The following NALCN variants were observed in gnomAD, a reference collection of about 807,000 sequenced individuals.
NALCN encodes sodium leak channel, non-selective.
NALCN carries 111 observed loss-of-function variants against 225.3 expected under a neutral mutation model. The observed-to-expected ratio is 0.49, with a 90% CI of 0.42 to 0.58. NALCN has a LOEUF of 0.58. NALCN is among the 20% of genes least tolerant of loss of function. The probability of loss-of-function intolerance (pLI) is 0.00; values close to 1 mark genes in which losing one functional copy is unlikely to be tolerated. For synonymous variants in NALCN, 764 were observed against 769.0 expected (o/e 0.99, Z 0.11); for missense variants, 1,378 against 2,202.4 (o/e 0.63, Z 7.49).
At chr13:101,308,000 C>T (rs746212486) in intron 7 of NALCN, among the ~76,000 whole-genome samples, 1 of 152,086 alleles carries the variant, frequency 6.6e-6, no homozygotes. Flanking sequence ...ATATTCCATA[C>T]GATTACTGAA....
intron 7 of NALCN, among the ~76,000 whole-genome samples, chr13:101,316,197 C>T (rs1282727770): frequency 6.6e-6 from 1 of 152,146 alleles, no homozygotes. Flanking sequence ...ACTTAAATGC[C>T]TTGTCCTCTT....
At chr13:101,332,540 T>C (rs1426394484) in intron 7 of NALCN, among the ~76,000 whole-genome samples, 1 of 152,010 alleles carries the variant, frequency 6.6e-6, no homozygotes, top group Admixed American at 6.5e-5. Flanking sequence ...TCTGCACTAA[T>C]TGAAGCTAAT....
intron 14 of NALCN, chr13:101,181,486 C>G (rs72652920): frequency 0.08 from 29,862 of 371,042 alleles, 1,418 homozygotes; most frequent in East Asian, 0.23. Context: ...GTGACTCATG[C>G]GTGTAATCCT....
rs189574697 is a variant in NALCN, at chr13:101,238,026, A to G, written c.1267-104T>C. The G allele has an allele frequency of 1.5e-4, 141 of 918,868 alleles. No homozygotes were observed. In the African/African-American group the frequency reaches 2.1e-3, roughly 13 times the overall value. 56.9% of individuals were successfully genotyped at this position (918,868 alleles called of 1,614,324 possible). ...ATGAATTTTTGCCACTATCATATAC[A>G]CTAAGGTGCCCCATAAGGTCAAGAA... is the stretch of plus-strand genomic sequence containing the variant. On this transcript the variant is annotated intron_variant, in intron 11 of 43. Transcript: ENST00000251127.
At chr13:101,117,948 G>A (rs2035792776) in intron 18 of NALCN, among the ~76,000 whole-genome samples, 1 of 152,174 alleles carries the variant, frequency 6.6e-6, no homozygotes, top group African/African-American at 2.4e-5. Flanking sequence ...AATAGGTGGA[G>A]CACAGAGGAT....
intron 9 of NALCN, among the ~76,000 whole-genome samples, chr13:101,287,091 A>T (rs911602268): frequency 6.6e-6 from 1 of 152,224 alleles, no homozygotes; most frequent in African/African-American, 2.4e-5. Flanking sequence ...CCTCATAAAC[A>T]TCCTCAAACA....
At chr13:101,128,824 A>G (rs1246709262) in intron 17 of NALCN, among the ~76,000 whole-genome samples, 1 of 151,940 alleles carries the variant, frequency 6.6e-6, no homozygotes, top group African/African-American at 2.4e-5. Flanking sequence ...TGGCCTCCCA[A>G]TATGCTGGGA....
At chr13:101,058,420 GCGGGGGCA>G in intron 42 of NALCN, 2 of 193,082 alleles carry the variant, frequency 1.0e-5, no homozygotes, top group Admixed American at 5.3e-5. Flanking sequence ...GACGGGCTGG[GCGGGGGCA>G]GTCTACTGTC....
intron 27 of NALCN, among the ~76,000 whole-genome samples, chr13:101,097,704 T>G (rs1220232530): frequency 6.6e-6 from 1 of 152,216 alleles, no homozygotes; most frequent in African/African-American, 2.4e-5. Context: ...CACTAGGATG[T>G]GTCTGATTCC....
At chr13:101,416,862 C>T (rs1409127800), upstream of NALCN, among the ~76,000 whole-genome samples, 3 of 152,092 alleles carry the variant, frequency 2.0e-5, no homozygotes, top group East Asian at 1.9e-4. Flanking sequence ...GCCAGGAGGC[C>T]GGGAGCCCAG....
chr13:101,175,503 G>A (rs1053176937), intron 15 of NALCN, among the ~76,000 whole-genome samples: 1 of 152,146 alleles, frequency 6.6e-6, no homozygotes, highest in African/African-American at 2.4e-5. Context: ...AACAGGTGTG[G>A]TTCTGTCAAC....
intron 15 of NALCN, among the ~76,000 whole-genome samples, chr13:101,174,244 G>T (rs1445828107): frequency 4.6e-5 from 7 of 152,148 alleles, no homozygotes; most frequent in Non-Finnish European, 8.8e-5. Context: ...AAATGGAATT[G>T]CTGCGTTATG....
At chr13:101,188,773 C>G (rs2039559708) in intron 14 of NALCN, among the ~76,000 whole-genome samples, 3 of 96,446 alleles carry the variant, frequency 3.1e-5, no homozygotes, top group African/African-American at 1.8e-4. Flanking sequence ...CAACCCCCAC[C>G]TCCCAGATTC....
At chr13:101,121,346 A>G (rs1374088005) in intron 18 of NALCN, among the ~76,000 whole-genome samples, 2 of 152,126 alleles carry the variant, frequency 1.3e-5, no homozygotes, top group African/African-American at 4.8e-5. Flanking sequence ...AATACTTGTT[A>G]TTTTTTGGAA....
intron 1 of NALCN, among the ~76,000 whole-genome samples, chr13:101,400,977 T>C (rs1302094372): frequency 6.6e-6 from 1 of 152,188 alleles, no homozygotes; most frequent in African/African-American, 2.4e-5. Flanking sequence ...TCTTCGACCA[T>C]GATTGTAAGT....
chr13:101,146,841 T>C (rs2037372071), intron 15 of NALCN, among the ~76,000 whole-genome samples: 1 of 151,932 alleles, frequency 6.6e-6, no homozygotes, highest in Non-Finnish European at 1.5e-5. Context: ...GATAGTTCTA[T>C]AAAGAGACAA....
In NALCN at chr13:101,081,297, G is replaced by A. The variant is rs7989798; in HGVS notation, c.3885+230C>T. Among the ~76,000 whole-genome samples the A allele has an allele frequency of 0.44, 67,394 of 151,812 alleles. 15,106 individuals are homozygous for A. The highest frequency in any genetic ancestry group is 0.48 in the East Asian group (2,468 of 5,142). ...GGTCCTTCTCTTTCTAGCTTGCATC[G>A]TCTAGGTCTTTGAGGGGCCAGGTTT... On this transcript the variant is annotated intron_variant, in intron 34 of 43. Coordinates refer to ENST00000251127, the MANE Select transcript of NALCN (RefSeq NM_052867.4).
chr13:101,395,225 C>G lies in NALCN; in HGVS notation c.249G>C (p.Thr83=), dbSNP rs145910377. The G allele has an allele frequency of 5.0e-6, 8 of 1,613,580 alleles. No homozygotes were observed. Among genetic ancestry groups the G allele is most frequent in the Non-Finnish European group, 6.8e-6 (8 of 1,179,832 alleles). The change falls in exon 3 of 44, where the codon ACG becomes ACC. Residue 83 remains threonine (T), a synonymous_variant. Transcript: ENST00000251127. ...TGTGCATTTTTGCTATCATCTCTGC[C>G]GTGTAGAGAAACATCAATAATGTAT... ...TLDTLLMFLY[T]AEMIAKMHIR... is the part of the protein sequence containing the mutation.
intron 6 of NALCN, among the ~76,000 whole-genome samples, chr13:101,352,079 A>G (rs1457326182): frequency 1.3e-5 from 2 of 152,188 alleles, no homozygotes; most frequent in Non-Finnish European, 2.9e-5. Flanking sequence ...TTATTAATTC[A>G]TAATAATTAT....
Sources: allele counts gnomAD v4.1 joint callset (sites outside exome capture counted in the v4.1 genomes callset), GRCh38; gene constraint gnomAD v4.1.1; transcripts MANE v1.5; gene names NCBI Gene and HGNC (gene_info 2026-07-23, HGNC 2026-07-21).